Variants in OR1J2 observed in about 807,000 individuals in gnomAD.
OR1J2 encodes olfactory receptor 1J2.
For missense variants in OR1J2, 304 were observed against 246.1 expected (o/e 1.24, Z -1.57); for synonymous variants, 142 against 99.7 (o/e 1.42, Z -2.52).
chr9:122,560,879 G>T, the OR1J2 span, among the ~76,000 whole-genome samples: 1 of 152,234 alleles, frequency 6.6e-6, no homozygotes, highest in African/African-American at 2.4e-5. Flanking sequence ...GGTCTGTCTT[G>T]CTAGGTTGGG....
the OR1J2 span, among the ~76,000 whole-genome samples, chr9:122,579,665 A>T: frequency 6.6e-6 from 1 of 152,226 alleles, no homozygotes. Context: ...TTCTGTCTAT[A>T]TACATAAGCA....
At chr9:122,574,825 T>C in the OR1J2 span, among the ~76,000 whole-genome samples, 6 of 152,136 alleles carry the variant, frequency 3.9e-5, no homozygotes, top group African/African-American at 1.4e-4. Flanking sequence ...AGTTGTAGGA[T>C]TTTTTTGGGG....
At chr9:122,486,313 T>A in the OR1J2 span, among the ~76,000 whole-genome samples, 1 of 152,198 alleles carries the variant, frequency 6.6e-6, no homozygotes, top group South Asian at 2.1e-4. Context: ...GATTCAGTGA[T>A]GAAACTTGCC....
At chr9:122,569,876 G>T in the OR1J2 span, among the ~76,000 whole-genome samples, 6 of 147,246 alleles carry the variant, frequency 4.1e-5, no homozygotes, top group Admixed American at 4.2e-4. Flanking sequence ...TCCCCTTCCT[G>T]TGTCCATGTG....
At chr9:122,556,089 T>C in the OR1J2 span, among the ~76,000 whole-genome samples, 2 of 152,350 alleles carry the variant, frequency 1.3e-5, no homozygotes, top group East Asian at 3.9e-4. Context: ...TCCATAGTTT[T>C]ACCTTTTCCC....
the OR1J2 span, chr9:122,527,051 C>T: frequency 3.7e-6 from 6 of 1,614,164 alleles, no homozygotes; most frequent in Non-Finnish European, 5.1e-6. Flanking sequence ...TCTGTATATT[C>T]ACCAGCATCT....
the OR1J2 span, among the ~76,000 whole-genome samples, chr9:122,499,300 A>G: frequency 6.6e-6 from 1 of 152,228 alleles, no homozygotes; most frequent in Non-Finnish European, 1.5e-5. Context: ...GCATGGGGAC[A>G]GGGGGCTGCC....
the OR1J2 span, chr9:122,526,851 AC>A: frequency 6.2e-7 from 1 of 1,614,118 alleles, no homozygotes; most frequent in Non-Finnish European, 8.5e-7. Context: ...ATTGGTGAGG[AC>A]CCAGCACAAT....
the OR1J2 span, among the ~76,000 whole-genome samples, chr9:122,461,496 G>A: frequency 6.6e-6 from 1 of 151,894 alleles, no homozygotes; most frequent in African/African-American, 2.4e-5. Context: ...CCAGTTACAT[G>A]AGGTGTGACC....
chr9:122,462,444 A>C, the OR1J2 span, among the ~76,000 whole-genome samples: 1 of 152,164 alleles, frequency 6.6e-6, no homozygotes, highest in African/African-American at 2.4e-5. Flanking sequence ...GTGAGATGCT[A>C]TTCTATTCAT....
At chr9:122,477,482 A>G in the OR1J2 span, 1 of 1,614,138 alleles carries the variant, frequency 6.2e-7, no homozygotes, top group South Asian at 1.1e-5. Context: ...GCGATGACCC[A>G]GGACCCAGCC....
At chr9:122,486,387 G>A in the OR1J2 span, among the ~76,000 whole-genome samples, 16 of 152,166 alleles carry the variant, frequency 1.1e-4, no homozygotes, top group Admixed American at 2.6e-4. Flanking sequence ...TGGCTTCAAA[G>A]ACTATATTCT....
At chr9:122,541,979 T>C in the OR1J2 span, among the ~76,000 whole-genome samples, 1 of 152,208 alleles carries the variant, frequency 6.6e-6, no homozygotes, top group Non-Finnish European at 1.5e-5. Flanking sequence ...CACTCCCTCT[T>C]GCCCCTTCTG....
the OR1J2 span, among the ~76,000 whole-genome samples, chr9:122,564,892 C>T: frequency 3.3e-5 from 5 of 152,338 alleles, no homozygotes; most frequent in South Asian, 6.2e-4. Context: ...ACAGAATTCT[C>T]GACCACTTGT....
the OR1J2 span, chr9:122,477,802 T>A: frequency 1.2e-6 from 2 of 1,613,822 alleles, no homozygotes; most frequent in Non-Finnish European, 1.7e-6. Flanking sequence ...GATGAGCAGG[T>A]TCCCCAGCAC....
At chr9:122,488,790 A>G in the OR1J2 span, among the ~76,000 whole-genome samples, 2 of 152,208 alleles carry the variant, frequency 1.3e-5, no homozygotes, top group African/African-American at 4.8e-5. Context: ...TCAGAAGAAT[A>G]TTGTATAAAT....
At chr9:122,490,005 A>G in the OR1J2 span, among the ~76,000 whole-genome samples, 5 of 152,220 alleles carry the variant, frequency 3.3e-5, no homozygotes, top group African/African-American at 7.2e-5. Context: ...GGCTGTGGTA[A>G]GCATATCTAA....
At chr9:122,547,023 A>G in the OR1J2 span, among the ~76,000 whole-genome samples, 72 of 152,252 alleles carry the variant, frequency 4.7e-4, no homozygotes, top group Non-Finnish European at 8.5e-4. Flanking sequence ...GTCATCCTAC[A>G]GTGGTATAGA....
the OR1J2 span, among the ~76,000 whole-genome samples, chr9:122,573,238 C>T: frequency 2.0e-5 from 3 of 152,200 alleles, no homozygotes; most frequent in African/African-American, 7.2e-5. Context: ...ATGGAAATAA[C>T]AGTTAACAGA....
Sources: allele counts gnomAD v4.1 joint callset (sites outside exome capture counted in the v4.1 genomes callset), GRCh38; gene constraint gnomAD v4.1.1; transcripts MANE v1.5; gene names NCBI Gene and HGNC (gene_info 2026-07-23, HGNC 2026-07-21).